Variants in MAGED1 observed in about 807,000 individuals in gnomAD.
MAGED1 encodes the protein MAGE family member D1.
A neutral mutation model predicts 54.1 loss-of-function variants in MAGED1; 3 were observed. That is an observed-to-expected ratio of 0.06 (90% CI 0.03 to 0.14). The LOEUF (loss-of-function observed/expected upper bound fraction) is 0.14. Among genes scored for constraint, MAGED1 ranks in the 10% least tolerant of loss-of-function variants. The pLI is 1.00. For synonymous variants in MAGED1, 217 were observed against 227.3 expected (o/e 0.95, Z 0.41); for missense variants, 485 against 623.4 (o/e 0.78, Z 2.36).
intron 1 of MAGED1, among the ~76,000 whole-genome samples, chrX:51,831,666 G>A (rs1247869205): frequency 9.0e-6 from 1 of 111,329 alleles, no homozygotes; most frequent in Non-Finnish European, 1.9e-5. Flanking sequence ...TAATGATTAA[G>A]AAAATTTCAG....
intron 4 of MAGED1, 48 bp downstream of exon 4, chrX:51,897,125 CTTT>C: frequency 8.4e-7 from 1 of 1,195,725 alleles, no homozygotes; most frequent in Non-Finnish European, 1.1e-6. Flanking sequence ...TTGCTCTTTT[CTTT>C]GTCATCCTCT....
intron 1 of MAGED1, among the ~76,000 whole-genome samples, chrX:51,819,962 G>A (rs183922158): frequency 2.5e-3 from 276 of 111,730 alleles, no homozygotes; most frequent in African/African-American, 8.7e-3. Flanking sequence ...TCTCTTTTGA[G>A]TTTATTTTTG....
At chrX:51,898,255 T>C in intron 8 of MAGED1, 30 bp from the exon 9 acceptor site, 3 of 1,209,588 alleles carry the variant, frequency 2.5e-6, no homozygotes, top group Non-Finnish European at 3.4e-6. Flanking sequence ...TTATTTTCCG[T>C]CCCTTGTCTC....
rs782808368 is a variant in MAGED1 at position 51,898,540 on chromosome X, G to T, written c.1782-41G>T. 16 of 1,144,139 alleles carry T rather than the reference G, an allele frequency of 1.4e-5. No individual in the cohort carries two copies. The Middle Eastern group carries it at 7.4e-4, about 53-fold the overall frequency. 94.3% of individuals were successfully genotyped at this position (1,144,139 alleles called of 1,213,427 possible). On this transcript the variant is annotated intron_variant, in intron 9 of 12. Coordinates refer to ENST00000326587, the MANE Select transcript of MAGED1 (RefSeq NM_006986.4). ...TGTTCTGGAAAGCTCTTTGGGCATG[G>T]TAATAGCCTCTGATTGTGGGTTTCC... is the stretch of plus-strand genomic sequence containing the variant.
At chrX:51,841,039 A>C (rs1226400525) in intron 1 of MAGED1, among the ~76,000 whole-genome samples, 18 of 108,518 alleles carry the variant, frequency 1.7e-4, no homozygotes, top group South Asian at 4.2e-4. Flanking sequence ...GAACTAGTTT[A>C]CAGTGCCACC....
chrX:51,860,225 A>T (rs1393609090), intron 1 of MAGED1, among the ~76,000 whole-genome samples: 1 of 111,481 alleles, frequency 9.0e-6, no homozygotes. Context: ...AGATCACGCC[A>T]CTGCACTCCA....
At chrX:51,844,336 G>T (rs957369396) in intron 1 of MAGED1, among the ~76,000 whole-genome samples, 2 of 112,240 alleles carry the variant, frequency 1.8e-5, no homozygotes, top group Admixed American at 9.4e-5. Context: ...AATAAGCTTG[G>T]ATATTTAGCT....
At chrX:51,806,948 C>T (rs1159160617) in intron 1 of MAGED1, among the ~76,000 whole-genome samples, 3 of 110,355 alleles carry the variant, frequency 2.7e-5, no homozygotes, top group Non-Finnish European at 3.8e-5. Flanking sequence ...CCACTACGCC[C>T]AGCTAATTTT....
chrX:51,887,690 A>G (rs1053929459), intron 1 of MAGED1, among the ~76,000 whole-genome samples: 4 of 107,241 alleles, frequency 3.7e-5, no homozygotes, highest in Non-Finnish European at 1.9e-5. Flanking sequence ...CTTAAACTTC[A>G]CACCTCATTA....
At chrX:51,846,061 C>T (rs1336753950) in intron 1 of MAGED1, among the ~76,000 whole-genome samples, 1 of 111,744 alleles carries the variant, frequency 8.9e-6, no homozygotes, top group Non-Finnish European at 1.9e-5. Flanking sequence ...CAGGCATGAG[C>T]CACCGTGCCC....
At chrX:51,832,228 C>A (rs1188455411) in intron 1 of MAGED1, among the ~76,000 whole-genome samples, 1 of 110,990 alleles carries the variant, frequency 9.0e-6, no homozygotes, top group East Asian at 2.8e-4. Flanking sequence ...TGGGGTTTCA[C>A]CATGTTGCCC....
intron 1 of MAGED1, among the ~76,000 whole-genome samples, chrX:51,879,218 A>C (rs1927973073): frequency 9.0e-6 from 1 of 111,618 alleles, no homozygotes; most frequent in Non-Finnish European, 1.9e-5. Flanking sequence ...TTTGAAGGAA[A>C]GCTTCATTTA....
chrX:51,848,229 A>G (rs914890833), intron 1 of MAGED1, among the ~76,000 whole-genome samples: 2 of 111,164 alleles, frequency 1.8e-5, no homozygotes, highest in Non-Finnish European at 3.8e-5. Flanking sequence ...TCTTTTTTAT[A>G]TACCTGCAAG....
At chrX:51,863,553 TA>T (rs1927357332) in intron 1 of MAGED1, among the ~76,000 whole-genome samples, 1 of 112,057 alleles carries the variant, frequency 8.9e-6, no homozygotes, top group South Asian at 3.7e-4. Context: ...GGAACCTCCA[TA>T]CTGTTTCTGC....
Position 51,898,114 on chromosome X carries a change from G to T in MAGED1, c.1659G>T (p.Thr553=), listed in dbSNP as rs1928848925. The T allele has an allele frequency of 8.3e-7, 1 of 1,206,311 alleles. No individual in the cohort carries two copies. The highest frequency in any genetic ancestry group is 3.0e-5 in the East Asian group (1 of 33,801). ...ATATATTCTTTCTATATTCCCTTAG[G>T]ACCAAAGACACACCCAAGCTCGGTC... ...TPESLAGILG[T]TKDTPKLGLL... is the part of the protein sequence containing the mutation. Residue 553 remains threonine, a splice_region_variant and synonymous_variant, in exon 8 of 13, where the codon ACG becomes ACT. Coordinates refer to ENST00000326587, the MANE Select transcript of MAGED1 (RefSeq NM_006986.4).
chrX:51,832,567 C>T (rs1368745599), intron 1 of MAGED1, among the ~76,000 whole-genome samples: 1 of 110,925 alleles, frequency 9.0e-6, no homozygotes. Context: ...TGATATTTAT[C>T]TTTTTGACTC....
chrX:51,833,599 AT>A (rs1453750340), intron 1 of MAGED1, among the ~76,000 whole-genome samples: 1 of 111,920 alleles, frequency 8.9e-6, no homozygotes, highest in African/African-American at 3.2e-5. Flanking sequence ...TGTTACTCAT[AT>A]TAGTAAAGTG....
At chrX:51,813,466 A>C (rs1441086961) in intron 1 of MAGED1, among the ~76,000 whole-genome samples, 1 of 111,573 alleles carries the variant, frequency 9.0e-6, no homozygotes, top group African/African-American at 3.3e-5. Context: ...GAATGTAAGA[A>C]CCCTCACTCC....
chrX:51,878,094 T>C (rs1228997934), intron 1 of MAGED1, among the ~76,000 whole-genome samples: 1 of 111,572 alleles, frequency 9.0e-6, no homozygotes, highest in Non-Finnish European at 1.9e-5. Context: ...AAAGAGGGAC[T>C]CTATGTCACA....
Sources: gnomAD v4.1 joint callset for allele counts (sites outside exome capture counted in the v4.1 genomes callset) on GRCh38, gnomAD v4.1.1 for gene constraint, MANE v1.5 for transcripts, NCBI Gene and HGNC (gene_info 2026-07-23, HGNC 2026-07-21) for gene names.